PARP12: variants seen among roughly 807,000 people sequenced by gnomAD.
PARP12 encodes protein mono-ADP-ribosyltransferase PARP12.
A neutral mutation model predicts 72.4 loss-of-function variants in PARP12; 59 were observed. The ratio of observed to expected loss-of-function variants is 0.81; its 90% CI spans 0.66 to 1.01. The LOEUF (loss-of-function observed/expected upper bound fraction) is 1.01, where lower values mean the gene tolerates loss of function less well. PARP12 is among the 50% of genes least tolerant of loss of function. The pLI is 0.00. For missense variants in PARP12, 851 were observed against 914.0 expected, an observed-to-expected ratio of 0.93 and a Z score of 0.89; for synonymous variants, 403 against 371.4, an observed-to-expected ratio of 1.09 and a Z score of -0.98.
rs1420811645 is a variant in PARP12 at position 140,057,883 on chromosome 7, T to G, written c.462+16A>C. On this transcript the variant is annotated intron_variant, in intron 2 of 11. Coordinates refer to ENST00000263549, the MANE Select transcript of PARP12 (RefSeq NM_022750.4). Reference sequence around the variant, plus strand: ...CCCCAGGGAGCTGTGGAACCCAGACTTCCCCTGGCACTCACTTCTGGCAAA... The same window carrying G: ...CCCCAGGGAGCTGTGGAACCCAGACGTCCCCTGGCACTCACTTCTGGCAAA... 6.2e-7 allele frequency: 1 copy of G among 1,613,950 alleles called. No individual in the cohort carries two copies. Among genetic ancestry groups the G allele is most frequent in the Non-Finnish European group, 8.5e-7 (1 of 1,179,958 alleles).
At chr7:140,054,567 G>C (rs1331513890) in intron 4 of PARP12, 95 bp downstream of exon 4, 3 of 1,035,678 alleles carry the variant, frequency 2.9e-6, no homozygotes, top group South Asian at 2.7e-5. Context: ...GGATGGGGTA[G>C]AGGTTTGGTA....
chr7:140,055,768 T>C (rs1166666723), intron 3 of PARP12, among the ~76,000 whole-genome samples: 1 of 152,236 alleles, frequency 6.6e-6, no homozygotes, highest in Non-Finnish European at 1.5e-5. Flanking sequence ...CTAGGATTCC[T>C]ACAACTGAAA....
intron 3 of PARP12, among the ~76,000 whole-genome samples, chr7:140,055,327 C>A (rs945165348): frequency 1.3e-5 from 2 of 152,050 alleles, no homozygotes; most frequent in African/African-American, 4.8e-5. Flanking sequence ...AAAAGAAAGT[C>A]CACATTTCAA....
At position 140,024,649 on chromosome 7, in the gene PARP12, A is replaced by G; in HGVS notation, c.2017T>C (p.Tyr673His). The G allele has an allele frequency of 6.2e-7, 1 of 1,614,062 alleles. No individual in the cohort carries two copies. The highest frequency in any genetic ancestry group is 8.5e-7 in the Non-Finnish European group (1 of 1,180,024). ...IFEKHQVYPE[Y>H]VIQYTTSSKP... ...GAGGAGGTGGTGTACTGGATGACAT[A>G]CTCTGGGTAGACCTGGTGTTTCTCA... Residue 673 changes from tyrosine to histidine, a missense_variant, in exon 12 of 12, where the codon TAT (tyrosine) becomes CAT (histidine). By Grantham distance (83) the Tyr-to-His change is moderately conservative (BLOSUM62 2). Around this residue, in one of 3 missense-constraint regions of PARP12, gnomAD observed 347 missense variants for 396.1 expected, o/e 0.88. Coordinates refer to ENST00000263549, the MANE Select transcript of PARP12 (RefSeq NM_022750.4).
intron 8 of PARP12, 184 bp from the exon 9 acceptor site, chr7:140,028,872 G>A (rs1815835516): frequency 6.4e-6 from 3 of 470,136 alleles, no homozygotes; most frequent in Non-Finnish European, 1.2e-5. Context: ...TTTTATCTTT[G>A]CCTATGTAGC....
At chr7:140,051,589 C>T (rs111287930) in intron 4 of PARP12, among the ~76,000 whole-genome samples, 1 of 152,190 alleles carries the variant, frequency 6.6e-6, no homozygotes, top group African/African-American at 2.4e-5. Context: ...CAGGGTTTCA[C>T]CATGTTGGCC....
chr7:140,030,393 T>A (rs892657913), intron 8 of PARP12, among the ~76,000 whole-genome samples: 1 of 151,576 alleles, frequency 6.6e-6, no homozygotes, highest in Non-Finnish European at 1.5e-5. Context: ...AGATCAGGAG[T>A]TCAAGACCAG....
chr7:140,041,352 T>C (rs1816459956), intron 6 of PARP12: 1 of 278,238 alleles, frequency 3.6e-6, no homozygotes, highest in Non-Finnish European at 6.8e-6. Flanking sequence ...AAGAGAAACA[T>C]CTTTCTATCC....
At chr7:140,045,914 G>A (rs576944731) in intron 5 of PARP12, among the ~76,000 whole-genome samples, 20 of 152,264 alleles carry the variant, frequency 1.3e-4, no homozygotes, top group African/African-American at 4.3e-4. Flanking sequence ...CATACCACAC[G>A]GTTCTATTTA....
At chr7:140,033,932 C>G in intron 8 of PARP12, 1 of 1,028,292 alleles carries the variant, frequency 9.7e-7, no homozygotes, top group Non-Finnish European at 1.2e-6. Flanking sequence ...AATGATTCCA[C>G]AGAAAAGACA....
chr7:140,059,379 C>T (rs113960680), intron 1 of PARP12, among the ~76,000 whole-genome samples: 1 of 145,252 alleles, frequency 6.9e-6, no homozygotes, highest in Admixed American at 6.9e-5. Flanking sequence ...CACACACACA[C>T]ACACACAGAG....
rs1424893862 is a variant in PARP12 at position 140,024,654 on chromosome 7, G to C, written c.2012C>G (p.Pro671Arg). ...FVIFEKHQVY[P>R]EYVIQYTTSS... ...GGTGGTGTACTGGATGACATACTCT[G>C]GGTAGACCTGGTGTTTCTCAAAGAT... The change falls in exon 12 of 12, where the codon CCA becomes CGA. Residue 671 changes from proline (P) to arginine (R), a missense_variant. Physicochemically the swap from Pro to Arg is moderately radical, Grantham distance 103 (BLOSUM62 -2). Transcript: ENST00000263549. The C allele has an allele frequency of 6.2e-7, 1 of 1,614,014 alleles. No individual in the cohort carries two copies. Among genetic ancestry groups the C allele is most frequent in the Non-Finnish European group, 8.5e-7 (1 of 1,180,016 alleles).
chr7:140,025,118 C>CA, intron 11 of PARP12: 2 of 549,004 alleles, frequency 3.6e-6, no homozygotes, highest in East Asian at 6.3e-5. Context: ...ACTGAGATAG[C>CA]AAATTCCTTT....
At chr7:140,047,272 C>T (rs1263906380) in intron 4 of PARP12, among the ~76,000 whole-genome samples, 3 of 152,130 alleles carry the variant, frequency 2.0e-5, no homozygotes, top group East Asian at 1.9e-4. Context: ...TAGTATTGAG[C>T]GGTAAGGCCT....
chr7:140,062,852 G>A lies in PARP12; in HGVS notation c.-5C>T, dbSNP rs1039541971. ...GACGACGCCGGCCTGGGCCATGGCC[G>A]CTGGGCCTGCTCCCGTCGGACCGCG... On this transcript the variant is annotated 5_prime_UTR_variant, in exon 1 of 12. Transcript: ENST00000263549. 12 of 1,323,504 alleles carry A rather than the reference G, an allele frequency of 9.1e-6. No individual in the cohort carries two copies. In the African/African-American group the frequency reaches 1.1e-4, roughly 12 times the overall value. The allele number at this position is 1,323,504 out of a possible 1,614,324, so 82.0% of individuals were successfully genotyped here.
chr7:140,053,846 A>G (rs1817071996), intron 4 of PARP12, among the ~76,000 whole-genome samples: 1 of 152,256 alleles, frequency 6.6e-6, no homozygotes, highest in African/African-American at 2.4e-5. Flanking sequence ...TAATAACATT[A>G]TCACATGCTC....
intron 6 of PARP12, among the ~76,000 whole-genome samples, chr7:140,040,523 T>C (rs758486275): frequency 5.3e-5 from 8 of 152,124 alleles, no homozygotes; most frequent in Non-Finnish European, 1.0e-4. Flanking sequence ...CATCAGCCAA[T>C]GTCTATTTCC....
At chr7:140,034,442 G>A in intron 7 of PARP12, 111 bp from the exon 8 acceptor site, 1 of 880,636 alleles carries the variant, frequency 1.1e-6, no homozygotes, top group African/African-American at 1.7e-5. Context: ...ATCCAAATGT[G>A]TAAAACCCAG....
rs144986529 is a variant in PARP12 at position 140,030,773 on chromosome 7, A to G, written c.1422-2085T>C. ...CCAACACAAATCTGTAAACTTTCTT[A>G]AAACATTATGAGATTTTCTTGTGGT... On this transcript the variant is annotated intron_variant, in intron 8 of 11. Coordinates refer to ENST00000263549, the MANE Select transcript of PARP12 (RefSeq NM_022750.4). Among the ~76,000 whole-genome samples the G allele has an allele frequency of 2.0e-5, 3 of 152,356 alleles. No individual in the cohort carries two copies. The East Asian group carries it at 5.8e-4, about 29-fold the overall frequency.
Sources: gnomAD v4.1 joint callset for allele counts (sites outside exome capture counted in the v4.1 genomes callset) on GRCh38, gnomAD v4.1.1 for gene constraint, gnomAD v4.1.1 regional missense constraint, MANE v1.5 for transcripts, NCBI Gene and HGNC (gene_info 2026-07-23, HGNC 2026-07-21) for gene names.